The following NASP variants were observed in gnomAD, a reference collection of about 807,000 sequenced individuals.
NASP encodes nuclear autoantigenic sperm protein.
NASP carries 24 observed loss-of-function variants against 89.5 expected under a neutral mutation model. That is an observed-to-expected ratio of 0.27 (90% CI 0.19 to 0.38). The LOEUF (loss-of-function observed/expected upper bound fraction) is 0.38, where lower values mean the gene tolerates loss of function less well. Ranked by LOEUF, NASP falls within the 10% of genes least tolerant of loss-of-function variation. The probability of loss-of-function intolerance (pLI) is 1.00; values close to 1 mark genes in which losing one functional copy is unlikely to be tolerated. For missense variants in NASP, 848 were observed against 921.4 expected (o/e 0.92, Z 1.03); for synonymous variants, 306 against 324.7 (o/e 0.94, Z 0.62).
At chr1:45,613,491 A>AT (rs916619939) in intron 7 of NASP, among the ~76,000 whole-genome samples, 8 of 151,968 alleles carry the variant, frequency 5.3e-5, no homozygotes, top group South Asian at 2.1e-4. Context: ...CACGATTATT[A>AT]TTTTTTTAAG....
At chr1:45,617,999 T>G (rs1644136127) in intron 14 of NASP, 62 bp from the exon 15 acceptor site, 2 of 1,459,442 alleles carry the variant, frequency 1.4e-6, no homozygotes, top group African/African-American at 2.8e-5. Context: ...GAGGCCTCAG[T>G]TATATAAGAC....
rs180872785 is a variant in NASP at position 45,584,081 on chromosome 1, G to C, written c.-66G>C. On this transcript the variant is annotated 5_prime_UTR_variant, in exon 1 of 15. Coordinates refer to ENST00000350030, the MANE Select transcript of NASP (RefSeq NM_002482.4). ...TTCTGTCCCTGAGTGAGTCTCTGGC[G>C]TCCCAAATTGCCTGTTTTTCTCGCA... 4 of 1,451,292 alleles carry C rather than the reference G, an allele frequency of 2.8e-6. No homozygotes were observed. Among genetic ancestry groups the C allele is most frequent in the Admixed American group, 4.0e-5 (2 of 50,120 alleles). 89.9% of individuals were successfully genotyped at this position (1,451,292 alleles called of 1,614,324 possible).
chr1:45,601,956 G>T (rs1393774503), intron 2 of NASP, among the ~76,000 whole-genome samples: 1 of 151,890 alleles, frequency 6.6e-6, no homozygotes, highest in Non-Finnish European at 1.5e-5. Flanking sequence ...GTTTCACCAT[G>T]TTAGCCAGGA....
Position 45,618,050 on chromosome 1 carries a change from T to C in NASP, c.2287-11T>C, listed in dbSNP as rs1425625128. 3 of 1,594,670 alleles carry C rather than the reference T, an allele frequency of 1.9e-6. No homozygotes were observed. Among genetic ancestry groups the C allele is most frequent in the African/African-American group, 1.3e-5 (1 of 74,718 alleles). On this transcript the variant is annotated splice_polypyrimidine_tract_variant and intron_variant, in intron 14 of 14. Transcript: ENST00000350030. ...AGGCTCACTCATGCCCAGGTTCTGT[T>C]TGTCTTCCAGGCTGAGAATCAGGCT...
intron 2 of NASP, among the ~76,000 whole-genome samples, chr1:45,597,926 C>T (rs1011974061): frequency 6.6e-6 from 1 of 152,174 alleles, no homozygotes; most frequent in African/African-American, 2.4e-5. Flanking sequence ...CCTCATACTT[C>T]CCTTCGTCTA....
chr1:45,600,693 G>T (rs1643819195), intron 2 of NASP, among the ~76,000 whole-genome samples: 1 of 152,100 alleles, frequency 6.6e-6, no homozygotes, highest in Non-Finnish European at 1.5e-5. Context: ...CATTTTTTGG[G>T]TTCACACCTA....
In NASP at chr1:45,606,571, A is replaced by G; in HGVS notation, c.389A>G (p.Glu130Gly). 1 of 1,606,182 alleles carries G rather than the reference A, an allele frequency of 6.2e-7. No individual in the cohort carries two copies. The highest frequency in any genetic ancestry group is 8.5e-7 in the Non-Finnish European group (1 of 1,172,780). ...AAAACAGAAGATGAATCTCTGGTAG[A>G]AAATAATGATAACATAGATGGTATG... Reference protein sequence around the residue: ...GEKTEDESLVENNDNIDEEAR... With the variant: ...GEKTEDESLVGNNDNIDEEAR... Residue 130 changes from glutamate (E) to glycine (G), a missense_variant, in exon 5 of 15, where the codon GAA becomes GGA. Physicochemically the swap from Glu to Gly is moderately conservative, Grantham distance 98 (BLOSUM62 -2). Coordinates refer to ENST00000350030, the MANE Select transcript of NASP (RefSeq NM_002482.4).
intron 4 of NASP, chr1:45,605,829 T>G (rs1243014992): frequency 2.7e-5 from 4 of 150,336 alleles, no homozygotes; most frequent in Admixed American, 2.1e-4. Flanking sequence ...CAGGCTGGAG[T>G]GCAATGGTGC....
intron 6 of NASP, chr1:45,610,173 T>G (rs1219576632): frequency 6.6e-6 from 1 of 152,012 alleles, no homozygotes; most frequent in East Asian, 1.9e-4. Flanking sequence ...TGCTCCAGCC[T>G]GGGCAACACA....
At chr1:45,599,897 T>C (rs1183584168) in intron 2 of NASP, among the ~76,000 whole-genome samples, 1 of 152,084 alleles carries the variant, frequency 6.6e-6, no homozygotes, top group Non-Finnish European at 1.5e-5. Flanking sequence ...TTAAGCAAGC[T>C]TCTTTTAGAG....
intron 1 of NASP, among the ~76,000 whole-genome samples, chr1:45,588,388 G>A (rs745803070): frequency 6.6e-6 from 1 of 152,114 alleles, no homozygotes; most frequent in Non-Finnish European, 1.5e-5. Context: ...ATAGGCGTTA[G>A]CCACCGTGCC....
rs759139782 is a variant in NASP at position 45,617,547 on chromosome 1, G to A, written c.2242G>A (p.Ala748Thr). ...EPEVNGGSGD[A>T]VPSGNEVSEN... ...GGAGGTGAACGGAGGCAGTGGGGAT[G>A]CTGTCCCCAGTGGAAATGAAGTTTC... Residue 748 changes from alanine (A) to threonine (T), a missense_variant, in exon 14 of 15, where the codon GCT becomes ACT. Coordinates refer to ENST00000350030, the MANE Select transcript of NASP (RefSeq NM_002482.4). 3 of 1,606,512 alleles carry A rather than the reference G, an allele frequency of 1.9e-6. No homozygotes were observed. Among genetic ancestry groups the A allele is most frequent in the South Asian group, 2.2e-5 (2 of 90,040 alleles).
At chr1:45,611,286 A>G (rs1431278746) in intron 6 of NASP, 2 of 152,016 alleles carry the variant, frequency 1.3e-5, no homozygotes, top group Non-Finnish European at 2.9e-5. Context: ...CTAGAAGACA[A>G]CCTCTAATTT....
intron 1 of NASP, among the ~76,000 whole-genome samples, chr1:45,584,676 T>C (rs962299406): frequency 7.1e-5 from 7 of 99,242 alleles, no homozygotes; most frequent in African/African-American, 2.3e-4. Context: ...ACCTGAGGGG[T>C]CGGGGTGGGC....
At chr1:45,597,712 CG>C (rs1643733898) in intron 2 of NASP, among the ~76,000 whole-genome samples, 1 of 152,134 alleles carries the variant, frequency 6.6e-6, no homozygotes. Context: ...GCTTCAGTAA[CG>C]TAACAGTGTA....
Position 45,584,086 on chromosome 1 carries a change from A to C in NASP, c.-61A>C, listed in dbSNP as rs368856382. 248 of 1,486,130 alleles carry C rather than the reference A, an allele frequency of 1.7e-4. No individual in the cohort carries two copies. In the African/African-American group the frequency reaches 2.8e-3, roughly 17 times the overall value. 92.1% of individuals were successfully genotyped at this position (1,486,130 alleles called of 1,614,324 possible). A position where few individuals can be genotyped will look rare whatever the true frequency, so the allele number is the denominator to read the frequency against. ...TCCCTGAGTGAGTCTCTGGCGTCCC[A>C]AATTGCCTGTTTTTCTCGCAGGCTC... On this transcript the variant is annotated 5_prime_UTR_variant, in exon 1 of 15. Coordinates refer to ENST00000350030, the MANE Select transcript of NASP (RefSeq NM_002482.4).
At position 45,613,261 on chromosome 1, in the gene NASP, C is replaced by T; in HGVS notation, c.1506+13C>T. On this transcript the variant is annotated intron_variant, in intron 7 of 14. Transcript: ENST00000350030. Reference sequence around the variant, plus strand: ...CCTTGAAAACAAGGTATGTTGTTAGCCACTCAGTACTGTTGTCAGCCTTTT... The same window carrying T: ...CCTTGAAAACAAGGTATGTTGTTAGTCACTCAGTACTGTTGTCAGCCTTTT... The T allele has an allele frequency of 6.2e-7, 1 of 1,603,598 alleles. No individual in the cohort carries two copies. The highest frequency in any genetic ancestry group is 1.1e-5 in the South Asian group (1 of 89,390).
intron 7 of NASP, 77 bp from the exon 8 acceptor site, chr1:45,614,019 T>A (rs932748810): frequency 2.4e-5 from 29 of 1,196,620 alleles, no homozygotes; most frequent in Middle Eastern, 2.7e-4. Flanking sequence ...CAACTTTTTT[T>A]AAGCTACGCT....
At chr1:45,606,815 C>T (rs934207894) in intron 5 of NASP, 6 of 406,290 alleles carry the variant, frequency 1.5e-5, no homozygotes, top group South Asian at 4.8e-5. Context: ...CCAGTTATTT[C>T]GATTGGGGTT....
Sources: allele counts gnomAD v4.1 joint callset (sites outside exome capture counted in the v4.1 genomes callset), GRCh38; gene constraint gnomAD v4.1.1; transcripts MANE v1.5; gene names NCBI Gene and HGNC (gene_info 2026-07-23, HGNC 2026-07-21).